The following TRPM1 variants were observed in gnomAD, a reference collection of about 807,000 sequenced individuals.
The protein encoded by TRPM1 is TRPM1-203 APA Isoform, Intron 10.
In TRPM1, 113 loss-of-function variants were observed where a neutral mutation model predicts 149.4. The ratio of observed to expected loss-of-function variants is 0.76; its 90% CI spans 0.65 to 0.88. TRPM1 has a LOEUF of 0.88. TRPM1 is among the 40% of genes least tolerant of loss of function. The pLI is 0.00. For synonymous variants in TRPM1, 741 were observed against 759.5 expected (o/e 0.98, Z 0.40); for missense variants, 1,976 against 2,038.7 (o/e 0.97, Z 0.59).
intron 1 of TRPM1, among the ~76,000 whole-genome samples, chr15:31,159,021 C>A (rs1043626535): frequency 5.9e-5 from 9 of 152,066 alleles, no homozygotes; most frequent in Non-Finnish European, 1.3e-4. Context: ...TTTCCCCAGC[C>A]CTCACTCAAA....
chr15:31,161,043 G>C (rs910236274), exon 1 of TRPM1: 3 of 1,378,760 alleles, frequency 2.2e-6, no homozygotes, highest in East Asian at 5.0e-5. Context: ...CCCTGGGTGG[G>C]CAGGAGCGGA....
At chr15:31,027,803 AT>A (rs2032854027) in intron 25 of TRPM1, among the ~76,000 whole-genome samples, 1 of 152,164 alleles carries the variant, frequency 6.6e-6, no homozygotes, top group African/African-American at 2.4e-5. Context: ...TTTTTTCAAT[AT>A]TTATTGAGCA....
intron 1 of TRPM1, among the ~76,000 whole-genome samples, chr15:31,125,756 AT>A (rs1567069729): frequency 2.7e-4 from 26 of 95,788 alleles, no homozygotes; most frequent in Non-Finnish European, 4.1e-4. Context: ...AAAAAAAAAA[AT>A]TATTAAAAAA....
In TRPM1 at chr15:31,024,957, T is replaced by C. The variant is rs552930467; in HGVS notation, c.3629+1182A>G. 2.6e-5 allele frequency among the ~76,000 whole-genome samples: 4 copies of C among 152,288 alleles called. No homozygotes were observed. In the East Asian group the frequency reaches 7.7e-4, roughly 29 times the overall value. On this transcript the variant is annotated intron_variant, in intron 27 of 27. Transcript: ENST00000256552. ...GGTTGGGTCACAAGGTGACTGGGTC[T>C]AGGAGGGAACCGAGGCCAGGGACCC...
chr15:31,070,620 A>G (rs988258997), intron 3 of TRPM1: 8 of 398,216 alleles, frequency 2.0e-5, no homozygotes, highest in African/African-American at 1.2e-4. Context: ...TGGCGCTATC[A>G]TAGCTCACTG....
chr15:31,028,666 G>A (rs1459835555), intron 24 of TRPM1, among the ~76,000 whole-genome samples, 190 bp from the exon 25 acceptor site: 1 of 151,774 alleles, frequency 6.6e-6, no homozygotes, highest in Non-Finnish European at 1.5e-5. Flanking sequence ...GCAGGAGAAT[G>A]GCGTGAACCC....
At chr15:31,045,031 G>A (rs1030382241) in intron 16 of TRPM1, among the ~76,000 whole-genome samples, 20 of 152,068 alleles carry the variant, frequency 1.3e-4, no homozygotes, top group African/African-American at 4.8e-4. Context: ...TAAGAAATAG[G>A]ACTGGACCCG....
In TRPM1 at chr15:31,087,998, C is replaced by T. The variant is rs964114771; in HGVS notation, c.-83-6560G>A. On this transcript the variant is annotated intron_variant, in intron 1 of 27. Coordinates refer to ENST00000256552, the MANE Select transcript of TRPM1 (RefSeq NM_001252024.2). ...AAATTTTATGTTATGTGTATTTTAC[C>T]ACAATTAAAACAACTTTTTAAGAAA... Among the ~76,000 whole-genome samples, 4 of 152,062 alleles carry T rather than the reference C, an allele frequency of 2.6e-5. No individual in the cohort carries two copies. In the East Asian group the frequency reaches 7.7e-4, roughly 29 times the overall value.
chr15:31,026,360 T>C, intron 26 of TRPM1, 89 bp from the exon 27 acceptor site: 1 of 1,504,120 alleles, frequency 6.6e-7, no homozygotes, highest in Non-Finnish European at 9.1e-7. Flanking sequence ...CCACTTTAAT[T>C]AAGCTCTCTT....
chr15:31,002,770 A>G lies in TRPM1; in HGVS notation c.3930T>C (p.Ser1310=). The change falls in exon 28 of 28, where the codon TCT becomes TCC. Residue 1310 remains serine, a synonymous_variant. Coordinates refer to ENST00000256552, the MANE Select transcript of TRPM1 (RefSeq NM_001252024.2). The part of the protein sequence containing the change: ...NGEELLFEDT[S]LSTSPGTGVR... Reference sequence around the variant, plus strand: ...CTCCTGTCCCTGGTGACGTGGAGAGAGATGTATCCTCAAATAATAACTCTT... The same window carrying G: ...CTCCTGTCCCTGGTGACGTGGAGAGGGATGTATCCTCAAATAATAACTCTT... 6.2e-7 allele frequency: 1 copy of G among 1,614,178 alleles called. No individual in the cohort carries two copies. The highest frequency in any genetic ancestry group is 1.7e-5 in the Admixed American group (1 of 60,018).
chr15:31,129,569 A>T (rs1163328446), intron 1 of TRPM1, among the ~76,000 whole-genome samples: 1 of 152,250 alleles, frequency 6.6e-6, no homozygotes, highest in African/African-American at 2.4e-5. Context: ...TGACCTACAA[A>T]GATGGCCATT....
intron 1 of TRPM1, among the ~76,000 whole-genome samples, chr15:31,086,436 C>T (rs2035001528): frequency 6.6e-6 from 1 of 152,252 alleles, no homozygotes; most frequent in Non-Finnish European, 1.5e-5. Flanking sequence ...CAGATGTGTG[C>T]AGCCCCCTGC....
At chr15:31,032,552 CA>C (rs2033139224) in intron 22 of TRPM1, 136 bp downstream of exon 22, 1 of 1,007,466 alleles carries the variant, frequency 9.9e-7, no homozygotes, top group Admixed American at 1.8e-5. Context: ...TATCTTAAAG[CA>C]AAGAATATTT....
chr15:31,002,314 G>A lies in TRPM1; in HGVS notation c.4386C>T (p.Phe1462=). The change falls in exon 28 of 28, where the codon TTC becomes TTT. Residue 1462 remains phenylalanine, a synonymous_variant. Coordinates refer to ENST00000256552, the MANE Select transcript of TRPM1 (RefSeq NM_001252024.2). ...CCAGCTTTCTTCCCCGGGAATAGAC[G>A]AAGCTTCTGGACTTCATTGTTTTAC... ...NACKTMKSRS[F]VYSRGRKLVG... is the part of the protein sequence containing the mutation. 3 of 1,614,198 alleles carry A rather than the reference G, an allele frequency of 1.9e-6. No homozygotes were observed. Among genetic ancestry groups the A allele is most frequent in the South Asian group, 1.1e-5 (1 of 91,086 alleles).
rs372921807 is a variant in TRPM1 at position 31,035,509 on chromosome 15, C to T, written c.2700+37G>A. On this transcript the variant is annotated intron_variant, in intron 21 of 27. Coordinates refer to ENST00000256552, the MANE Select transcript of TRPM1 (RefSeq NM_001252024.2). Reference sequence around the variant, plus strand: ...GAGCCATATCTGCATTTGCAGTCAGCGGTTAGTGGGCTGGGGGAGGCCTTT... The same window carrying T: ...GAGCCATATCTGCATTTGCAGTCAGTGGTTAGTGGGCTGGGGGAGGCCTTT... 5.0e-6 allele frequency: 8 copies of T among 1,613,484 alleles called. No individual in the cohort carries two copies. In the Admixed American group the frequency reaches 5.0e-5, roughly 10 times the overall value.
intron 25 of TRPM1, among the ~76,000 whole-genome samples, chr15:31,027,983 A>T (rs1028816937): frequency 6.6e-6 from 1 of 152,182 alleles, no homozygotes; most frequent in South Asian, 2.1e-4. Context: ...TGAAACTCAT[A>T]TTGCCTTTTC....
intron 1 of TRPM1, among the ~76,000 whole-genome samples, chr15:31,135,450 AAG>A (rs796874351): frequency 1.4e-4 from 22 of 152,356 alleles, no homozygotes; most frequent in African/African-American, 5.0e-4. Context: ...AAATTAAAAA[AAG>A]AGAATGATCC....
At chr15:31,122,172 G>A (rs1305603101) in intron 1 of TRPM1, among the ~76,000 whole-genome samples, 2 of 152,040 alleles carry the variant, frequency 1.3e-5, no homozygotes, top group Non-Finnish European at 2.9e-5. Context: ...AGAATAGACG[G>A]TTACTTCCAC....
chr15:31,120,725 C>A (rs1293182937), intron 1 of TRPM1, among the ~76,000 whole-genome samples: 46 of 143,748 alleles, frequency 3.2e-4, no homozygotes, highest in South Asian at 8.7e-4. Flanking sequence ...GGAATTAGAC[C>A]AAAAAAAAAA....
Sources: gnomAD v4.1 joint callset for allele counts (sites outside exome capture counted in the v4.1 genomes callset) on GRCh38, gnomAD v4.1.1 for gene constraint, MANE v1.5 for transcripts, NCBI Gene and HGNC (gene_info 2026-07-23, HGNC 2026-07-21) for gene names.